SEMA3F: variants seen among roughly 807,000 people sequenced by gnomAD.
SEMA3F encodes the protein semaphorin-3F.
A neutral mutation model predicts 98.5 loss-of-function variants in SEMA3F; 30 were observed. That is an observed-to-expected ratio of 0.30 (90% CI 0.23 to 0.41). The LOEUF (loss-of-function observed/expected upper bound fraction) is 0.41. Among genes scored for constraint, SEMA3F ranks in the 10% least tolerant of loss-of-function variants. The pLI, the probability that SEMA3F is intolerant of heterozygous loss-of-function variation, is 1.00. For missense variants in SEMA3F, 866 were observed against 1,119.3 expected, an observed-to-expected ratio of 0.77 and a Z score of 3.23; for synonymous variants, 380 against 444.8, an observed-to-expected ratio of 0.85 and a Z score of 1.83.
chr3:50,168,377 C>T (rs1245920463), intron 2 of SEMA3F, among the ~76,000 whole-genome samples: 1 of 152,154 alleles, frequency 6.6e-6, no homozygotes, highest in Non-Finnish European at 1.5e-5. Context: ...GGGACCTGGG[C>T]TTGAACAAAT....
intron 2 of SEMA3F, among the ~76,000 whole-genome samples, chr3:50,169,110 T>C (rs1328193858): frequency 1.3e-5 from 2 of 152,136 alleles, no homozygotes; most frequent in Non-Finnish European, 2.9e-5. Flanking sequence ...GCTCCAAGAC[T>C]CCTCTTTTTG....
chr3:50,184,675 A>ACTCAT lies in SEMA3F; in HGVS notation c.1318_1322dup (p.Met441IlefsTer16). On this transcript the variant is annotated frameshift_variant, in exon 13 of 19. Coordinates refer to ENST00000002829, the MANE Select transcript of SEMA3F (RefSeq NM_004186.5). LOFTEE classifies it high-confidence loss of function. ...TGATCAACTTCATGCGCAGCCACCC[A>ACTCAT]CTCATGTACCAGGCCGTGTACCCTC... The ACTCAT allele has an allele frequency of 6.2e-7, 1 of 1,613,922 alleles. No homozygotes were observed. Among genetic ancestry groups the ACTCAT allele is most frequent in the Non-Finnish European group, 8.5e-7 (1 of 1,179,946 alleles).
At position 50,158,179 on chromosome 3, in the gene SEMA3F, C is replaced by T. The variant is rs1207465751; in HGVS notation, c.-48-1396C>T. ...CCATTCAGTCAGCACTAGCTTTGTG[C>T]CTCCCAGACCTGAGGAGGGGCTGGT... On this transcript the variant is annotated intron_variant, in intron 1 of 18. Coordinates refer to ENST00000002829, the MANE Select transcript of SEMA3F (RefSeq NM_004186.5). This position sits in a 1 kb window ranked among gnomAD's most constrained non-coding sequence, Gnocchi z 4.8. 6.6e-6 allele frequency among the ~76,000 whole-genome samples: 1 copy of T among 152,234 alleles called. No homozygotes were observed. The highest frequency in any genetic ancestry group is 6.5e-5 in the Admixed American group (1 of 15,288).
Position 50,183,471 on chromosome 3 carries a change from C to A in SEMA3F, c.1140C>A (p.Arg380=). Reference sequence around the variant, plus strand: ...GTGTCTACTCCATGGCTGATATTCGCATGGTCTTCAACGGGCCCTTTGCCC... The same window carrying A: ...GTGTCTACTCCATGGCTGATATTCGAATGGTCTTCAACGGGCCCTTTGCCC... ...AVCVYSMADI[R]MVFNGPFAHK... The change falls in exon 12 of 19, where the codon CGC becomes CGA. Residue 380 remains arginine, a synonymous_variant. Transcript: ENST00000002829. 1.2e-6 allele frequency: 2 copies of A among 1,614,154 alleles called. No individual in the cohort carries two copies. Among genetic ancestry groups the A allele is most frequent in the Non-Finnish European group, 1.7e-6 (2 of 1,180,034 alleles).
intron 16 of SEMA3F, 50 bp from the exon 17 acceptor site, chr3:50,186,231 G>T (rs537398656): frequency 1.3e-6 from 2 of 1,579,660 alleles, no homozygotes; most frequent in Non-Finnish European, 1.7e-6. Context: ...ACAGGGACCT[G>T]GGGGGGCAAG....
intron 2 of SEMA3F, 47 bp downstream of exon 2, chr3:50,159,781 A>G (rs755495890): frequency 1.9e-5 from 24 of 1,276,508 alleles, no homozygotes; most frequent in Non-Finnish European, 2.6e-5. Context: ...TCTCTTTACA[A>G]TAGCGCTCGG....
chr3:50,174,583 C>T (rs977187310), intron 5 of SEMA3F, among the ~76,000 whole-genome samples: 8 of 152,272 alleles, frequency 5.3e-5, no homozygotes, highest in Non-Finnish European at 1.2e-4. Context: ...GCTCCCAAAG[C>T]TCCTAGCACT....
At chr3:50,175,980 T>C (rs979533169) in intron 6 of SEMA3F, among the ~76,000 whole-genome samples, 1 of 152,166 alleles carries the variant, frequency 6.6e-6, no homozygotes, top group Non-Finnish European at 1.5e-5. Context: ...TCCTCCTGCC[T>C]CTGTTCCTCT....
chr3:50,183,341 G>T (rs1181204840), intron 11 of SEMA3F, 79 bp from the exon 12 acceptor site: 1 of 1,605,000 alleles, frequency 6.2e-7, no homozygotes, highest in Non-Finnish European at 8.5e-7. Context: ...CCGGTGGCGA[G>T]CTGTGGGGAG....
intron 7 of SEMA3F, among the ~76,000 whole-genome samples, chr3:50,178,428 T>C (rs183205290): frequency 6.6e-6 from 1 of 151,694 alleles, no homozygotes; most frequent in Non-Finnish European, 1.5e-5. Context: ...GTTTAAAATA[T>C]TCAGAAAACC....
intron 12 of SEMA3F, among the ~76,000 whole-genome samples, chr3:50,183,947 C>A (rs1204280797): frequency 2.6e-5 from 4 of 152,080 alleles, no homozygotes; most frequent in Admixed American, 2.6e-4. Context: ...TCTCAGAGGT[C>A]ACAGAGGCAT....
Position 50,158,105 on chromosome 3 carries a change from G to A in SEMA3F, c.-48-1470G>A, listed in dbSNP as rs890427425. Among the ~76,000 whole-genome samples, 2 of 152,306 alleles carry A rather than the reference G, an allele frequency of 1.3e-5. No individual in the cohort carries two copies. Among genetic ancestry groups the A allele is most frequent in the East Asian group, 3.9e-4 (2 of 5,186 alleles). On this transcript the variant is annotated intron_variant, in intron 1 of 18. Coordinates refer to ENST00000002829, the MANE Select transcript of SEMA3F (RefSeq NM_004186.5). The surrounding 1 kb of genome is among the most constrained non-coding windows in gnomAD (Gnocchi z 4.8). ...CTCCCAGGTGCACCTTGAGGGTGACGGTGGCTGCACAGCCATTTCTCCCAC... is the reference window on the plus strand; with the variant it reads ...CTCCCAGGTGCACCTTGAGGGTGACAGTGGCTGCACAGCCATTTCTCCCAC...
chr3:50,171,598 C>T (rs1000195766), intron 2 of SEMA3F, among the ~76,000 whole-genome samples: 8 of 152,158 alleles, frequency 5.3e-5, no homozygotes, highest in Non-Finnish European at 7.4e-5. Flanking sequence ...TAACCCCTGG[C>T]GGGCTGTCCC....
rs747176658 is a variant in SEMA3F at position 50,182,636 on chromosome 3, A to G, written c.764-8A>G. On this transcript the variant is annotated splice_polypyrimidine_tract_variant and splice_region_variant and intron_variant, in intron 8 of 18. Coordinates refer to ENST00000002829, the MANE Select transcript of SEMA3F (RefSeq NM_004186.5). This position sits in a 1 kb window ranked among gnomAD's most constrained non-coding sequence, Gnocchi z 4.5. ...GGGGCTCACCCAGCTGACCCCTGCC[A>G]CCTGCAGACCCGTCGTTCATCCATG... 6.2e-7 allele frequency: 1 copy of G among 1,609,906 alleles called. No homozygotes were observed. The highest frequency in any genetic ancestry group is 8.5e-7 in the Non-Finnish European group (1 of 1,177,000).
chr3:50,173,952 T>G lies in SEMA3F; in HGVS notation c.272T>G (p.Ile91Ser), dbSNP rs775729500. The change falls in exon 3 of 19, where the codon ATT (isoleucine) becomes AGT (serine). Residue 91 changes from isoleucine to serine, a missense_variant and splice_region_variant. By Grantham distance (142) the Ile-to-Ser change is moderately radical. Coordinates refer to ENST00000002829, the MANE Select transcript of SEMA3F (RefSeq NM_004186.5). ...DLHDINREPL[I>S]IHWAASPQRI... ...CACGACATCAACCGCGAGCCCCTCA[T>G]TGTAAGGGCTGGCCCTGATGTGGGA... 6 of 1,614,048 alleles carry G rather than the reference T, an allele frequency of 3.7e-6. No individual in the cohort carries two copies. Among genetic ancestry groups the G allele is most frequent in the Non-Finnish European group, 5.1e-6 (6 of 1,180,016 alleles).
intron 2 of SEMA3F, among the ~76,000 whole-genome samples, chr3:50,165,868 G>A (rs1698385008): frequency 6.6e-6 from 1 of 152,218 alleles, no homozygotes; most frequent in Non-Finnish European, 1.5e-5. Flanking sequence ...ACCCAGCAAC[G>A]AATGGGGTCT....
At chr3:50,170,473 G>A (rs764503448) in intron 2 of SEMA3F, among the ~76,000 whole-genome samples, 1 of 152,070 alleles carries the variant, frequency 6.6e-6, no homozygotes, top group Non-Finnish European at 1.5e-5. Context: ...TGCTTCCTTG[G>A]GGAAGGACTT....
Position 50,183,452 on chromosome 3 carries a change from A to G in SEMA3F, c.1121A>G (p.Tyr374Cys). 6.2e-7 allele frequency: 1 copy of G among 1,613,846 alleles called. No individual in the cohort carries two copies. The highest frequency in any genetic ancestry group is 8.5e-7 in the Non-Finnish European group (1 of 1,179,972). The change falls in exon 12 of 19, where the codon TAC becomes TGC. Residue 374 changes from tyrosine to cysteine, a missense_variant. Physicochemically the swap from Tyr to Cys is radical, Grantham distance 194 (BLOSUM62 -2). This residue lies in a region of SEMA3F where 374 missense variants were observed against 582.8 expected (regional missense o/e 0.64). Coordinates refer to ENST00000002829, the MANE Select transcript of SEMA3F (RefSeq NM_004186.5). ...SVFRGSAVCV[Y>C]SMADIRMVFN... ...TTCCGAGGCTCTGCCGTGTGTGTCT[A>G]CTCCATGGCTGATATTCGCATGGTC...
chr3:50,178,740 T>C (rs1418585571), intron 7 of SEMA3F, among the ~76,000 whole-genome samples: 2 of 150,138 alleles, frequency 1.3e-5, no homozygotes, highest in Non-Finnish European at 3.0e-5. Flanking sequence ...AAAAAATCGG[T>C]AAACCATGCT....
Sources: allele counts gnomAD v4.1 joint callset (sites outside exome capture counted in the v4.1 genomes callset), GRCh38; gene constraint gnomAD v4.1.1; regional missense constraint gnomAD v4.1.1; non-coding constraint Gnocchi (gnomAD v3.1); transcripts MANE v1.5; gene names NCBI Gene and HGNC (gene_info 2026-07-23, HGNC 2026-07-21).